CAP2: variants seen among roughly 807,000 people sequenced by gnomAD.
CAP2 encodes the protein cyclase associated actin cytoskeleton regulatory protein 2.
A neutral mutation model predicts 57.7 loss-of-function variants in CAP2; 24 were observed. The observed-to-expected ratio is 0.42, with a 90% CI of 0.30 to 0.58. The LOEUF is 0.58. Among genes scored for constraint, CAP2 ranks in the 20% least tolerant of loss-of-function variants. The pLI, the probability that CAP2 is intolerant of heterozygous loss-of-function variation, is 0.22. For synonymous variants in CAP2, 194 were observed against 207.2 expected (o/e 0.94, Z 0.55); for missense variants, 501 against 590.3 (o/e 0.85, Z 1.57).
At chr6:17,409,212 A>T (rs1288401537) in intron 1 of CAP2, among the ~76,000 whole-genome samples, 1 of 151,642 alleles carries the variant, frequency 6.6e-6, no homozygotes, top group Non-Finnish European at 1.5e-5. Context: ...TCTCTACTAA[A>T]AATACAAAAA....
Position 17,450,698 on chromosome 6 carries a change from A to T in CAP2, c.223-12298A>T, listed in dbSNP as rs143312671. On this transcript the variant is annotated intron_variant, in intron 3 of 12. Coordinates refer to ENST00000229922, the MANE Select transcript of CAP2 (RefSeq NM_006366.3). ...CCAGTGGTCTAACACTGACATTCTC[A>T]ATCTACCTACTCATCTTTCCTTCCC... Among the ~76,000 whole-genome samples the T allele has an allele frequency of 4.2e-4, 64 of 152,300 alleles. No homozygotes were observed. The East Asian group carries it at 0.011, about 27-fold the overall frequency.
At chr6:17,528,198 A>C (rs1762556768) in intron 7 of CAP2, among the ~76,000 whole-genome samples, 1 of 152,258 alleles carries the variant, frequency 6.6e-6, no homozygotes. Context: ...ACGTTAGCCT[A>C]GGCTAAGCCA....
intron 1 of CAP2, among the ~76,000 whole-genome samples, chr6:17,402,085 A>G (rs1486392671): frequency 6.6e-6 from 1 of 152,226 alleles, no homozygotes; most frequent in East Asian, 1.9e-4. Flanking sequence ...CCAAAGGTAC[A>G]TGTGCACAGG....
intron 4 of CAP2, among the ~76,000 whole-genome samples, chr6:17,485,823 C>G (rs1761404731): frequency 6.6e-6 from 1 of 152,214 alleles, no homozygotes; most frequent in South Asian, 2.1e-4. Context: ...CAAACTACCT[C>G]TCCATGGCAG....
chr6:17,521,140 C>T (rs4716149), intron 7 of CAP2, among the ~76,000 whole-genome samples: 51,576 of 151,888 alleles, frequency 0.34, 10,722 homozygotes, highest in Non-Finnish European at 0.46. Context: ...ACTGGCTGGG[C>T]GCAGTGGCTC....
At chr6:17,524,893 C>CTTTTTTTTTTTT (rs11325666) in intron 7 of CAP2, among the ~76,000 whole-genome samples, 3 of 109,622 alleles carry the variant, frequency 2.7e-5, no homozygotes, top group African/African-American at 1.1e-4. Context: ...CTTTTCTTTT[C>CTTTTTTTTTTTT]TTTTTTTTTT....
intron 3 of CAP2, among the ~76,000 whole-genome samples, chr6:17,430,557 G>A (rs550791517): frequency 1.5e-5 from 2 of 132,510 alleles, no homozygotes; most frequent in South Asian, 4.7e-4. Flanking sequence ...TTTTTTTTTC[G>A]AGACAGAGTC....
At chr6:17,440,791 C>T (rs552351304) in intron 3 of CAP2, among the ~76,000 whole-genome samples, 9 of 151,388 alleles carry the variant, frequency 5.9e-5, no homozygotes, top group African/African-American at 9.8e-5. Flanking sequence ...ATTTATATTA[C>T]GTATTTCTCC....
intron 11 of CAP2, among the ~76,000 whole-genome samples, chr6:17,543,895 C>T (rs541814500): frequency 1.3e-5 from 2 of 151,938 alleles, no homozygotes; most frequent in African/African-American, 4.8e-5. Flanking sequence ...GAGGCCAAGG[C>T]GGGTGGATCA....
intron 1 of CAP2, among the ~76,000 whole-genome samples, chr6:17,404,424 T>G (rs1435062464): frequency 6.6e-6 from 1 of 152,082 alleles, no homozygotes; most frequent in Non-Finnish European, 1.5e-5. Context: ...GCTAACACGG[T>G]GAAACCCCGT....
chr6:17,449,945 A>G (rs1760360500), intron 3 of CAP2, among the ~76,000 whole-genome samples: 1 of 152,224 alleles, frequency 6.6e-6, no homozygotes, highest in Non-Finnish European at 1.5e-5. Flanking sequence ...ATTAATATTC[A>G]TGACATTGAT....
At chr6:17,504,882 G>A (rs1311000901) in intron 4 of CAP2, among the ~76,000 whole-genome samples, 3 of 152,080 alleles carry the variant, frequency 2.0e-5, no homozygotes, top group Non-Finnish European at 4.4e-5. Context: ...TCAAAAAGCT[G>A]AACTAGGTGA....
chr6:17,407,998 A>G (rs2113512582), intron 1 of CAP2, among the ~76,000 whole-genome samples: 1 of 152,210 alleles, frequency 6.6e-6, no homozygotes, highest in Non-Finnish European at 1.5e-5. Context: ...ATTTTCTTTT[A>G]AGAGAGTTGC....
rs748794176 is a variant in CAP2, at chr6:17,543,123, T to C, written c.1189T>C (p.Ser397Pro). 1 of 1,613,702 alleles carries C rather than the reference T, an allele frequency of 6.2e-7. No homozygotes were observed. Among genetic ancestry groups the C allele is most frequent in the Non-Finnish European group, 8.5e-7 (1 of 1,179,734 alleles). ...NVVGIVEVIN[S>P]QDIQIQVMGR... ...GGTGGGCATTGTGGAAGTGATCAACTCCCAGGACATTCAAATCCAGGTAAG... is the reference window on the plus strand; with the variant it reads ...GGTGGGCATTGTGGAAGTGATCAACCCCCAGGACATTCAAATCCAGGTAAG... The change falls in exon 11 of 13, where the codon TCC (serine) becomes CCC (proline). Residue 397 changes from serine (S) to proline (P), a missense_variant. By Grantham distance (74) the Ser-to-Pro change is moderately conservative. Coordinates refer to ENST00000229922, the MANE Select transcript of CAP2 (RefSeq NM_006366.3).
Position 17,556,388 on chromosome 6 carries a change from G to C in CAP2, c.1380G>C (p.Lys460Asn). 1.2e-6 allele frequency: 2 copies of C among 1,613,898 alleles called. No homozygotes were observed. Among genetic ancestry groups the C allele is most frequent in the East Asian group, 4.5e-5 (2 of 44,878 alleles). The change falls in exon 13 of 13, where the codon AAG becomes AAC. Residue 460 changes from lysine (K) to asparagine (N), a missense_variant. Physicochemically the swap from Lys to Asn is moderately conservative, Grantham distance 94. Transcript: ENST00000229922. ...YREFPIPEQFKTAWDGSKLIT... is the reference protein window; with the variant it reads ...YREFPIPEQFNTAWDGSKLIT... Reference sequence around the variant, plus strand: ...AATTTCCCATTCCTGAACAGTTCAAGACAGCATGGGATGGATCCAAGTTAA... The same window carrying C: ...AATTTCCCATTCCTGAACAGTTCAACACAGCATGGGATGGATCCAAGTTAA...
At chr6:17,487,022 G>A (rs922887048) in intron 4 of CAP2, among the ~76,000 whole-genome samples, 5 of 152,196 alleles carry the variant, frequency 3.3e-5, no homozygotes, top group African/African-American at 4.8e-5. Flanking sequence ...TCCAAGCAAG[G>A]AACTCAGAAT....
intron 4 of CAP2, among the ~76,000 whole-genome samples, chr6:17,485,133 G>A (rs1220465200): frequency 1.3e-5 from 2 of 151,866 alleles, no homozygotes; most frequent in Admixed American, 6.6e-5. Context: ...GAAATAACTA[G>A]ATTCCCAGTC....
At chr6:17,511,291 G>A (rs1049954458) in intron 6 of CAP2, among the ~76,000 whole-genome samples, 1 of 152,016 alleles carries the variant, frequency 6.6e-6, no homozygotes, top group African/African-American at 2.4e-5. Context: ...TCTCTGTGTC[G>A]CAGTCATTTG....
chr6:17,532,330 A>T (rs1244954908), intron 7 of CAP2, among the ~76,000 whole-genome samples: 1 of 150,476 alleles, frequency 6.6e-6, no homozygotes, highest in East Asian at 2.0e-4. Flanking sequence ...TAGTAGAGAC[A>T]GGGTTTCACC....
Sources: gnomAD v4.1 joint callset for allele counts (sites outside exome capture counted in the v4.1 genomes callset) on GRCh38, gnomAD v4.1.1 for gene constraint, MANE v1.5 for transcripts, NCBI Gene and HGNC (gene_info 2026-07-23, HGNC 2026-07-21) for gene names.